KCNMB2: variants seen among roughly 807,000 people sequenced by gnomAD.
KCNMB2 encodes the protein potassium calcium-activated channel subfamily M regulatory beta subunit 2, also known as calcium-activated potassium channel subunit beta-2.
In KCNMB2, 9 loss-of-function variants were observed where a neutral mutation model predicts 24.5. The ratio of observed to expected loss-of-function variants is 0.37; its 90% CI spans 0.22 to 0.64. The LOEUF is 0.64. Ranked by LOEUF, KCNMB2 falls within the 30% of genes least tolerant of loss-of-function variation. The pLI is 0.63. For synonymous variants in KCNMB2, 109 were observed against 104.4 expected (o/e 1.04, Z -0.27); for missense variants, 226 against 284.3 (o/e 0.79, Z 1.47).
At chr3:178,574,878 GC>G (rs1560115212) in intron 1 of KCNMB2, among the ~76,000 whole-genome samples, 2 of 152,088 alleles carry the variant, frequency 1.3e-5, no homozygotes. Context: ...GACCAGCCTG[GC>G]CAACATGCTG....
At chr3:178,732,863 T>C (rs1723197249) in intron 1 of KCNMB2, among the ~76,000 whole-genome samples, 1 of 152,192 alleles carries the variant, frequency 6.6e-6, no homozygotes, top group Non-Finnish European at 1.5e-5. Context: ...AGTGGATTTA[T>C]GGAACGTAAC....
intron 1 of KCNMB2, among the ~76,000 whole-genome samples, chr3:178,575,331 A>G (rs889747725): frequency 1.1e-4 from 17 of 152,178 alleles, no homozygotes; most frequent in African/African-American, 3.1e-4. Context: ...CATCACCACA[A>G]GTAAAATATA....
In KCNMB2 at chr3:178,825,710, T is replaced by C. The variant is rs769635195; in HGVS notation, c.179T>C (p.Met60Thr). 8 of 1,613,838 alleles carry C rather than the reference T, an allele frequency of 5.0e-6. No homozygotes were observed. The Admixed American group carries it at 8.3e-5, about 17-fold the overall frequency. Residue 60 changes from methionine (M) to threonine (T), a missense_variant, in exon 3 of 5, where the codon ATG becomes ACG. Coordinates refer to ENST00000452583, the MANE Select transcript of KCNMB2 (RefSeq NM_181361.3). ...LGLAMMVCSI[M>T]MYFLLGITLL... The stretch of plus-strand genomic sequence containing the variant: ...CTGGCTATGATGGTGTGCTCCATCA[T>C]GATGTATTTTCTGCTGGGAATCACA...
chr3:178,551,557 A>C (rs148769566), intron 1 of KCNMB2, among the ~76,000 whole-genome samples: 1,751 of 152,310 alleles, frequency 0.011, 28 homozygotes, highest in African/African-American at 0.041. Context: ...TTGGAGAAAT[A>C]GTTGTTTATT....
At chr3:178,659,123 T>C (rs942716015) in intron 1 of KCNMB2, among the ~76,000 whole-genome samples, 1 of 152,220 alleles carries the variant, frequency 6.6e-6, no homozygotes, top group African/African-American at 2.4e-5. Context: ...ACATTTCAAA[T>C]AGCAAAGTCA....
At chr3:178,803,183 TCA>T (rs1181188053) in intron 1 of KCNMB2, among the ~76,000 whole-genome samples, 1 of 152,222 alleles carries the variant, frequency 6.6e-6, no homozygotes, top group Middle Eastern at 3.2e-3. Context: ...TTGTCCAAAG[TCA>T]CAGAGTTGGC....
chr3:178,702,737 G>A (rs1722145643), intron 1 of KCNMB2, among the ~76,000 whole-genome samples: 1 of 152,150 alleles, frequency 6.6e-6, no homozygotes, highest in Admixed American at 6.5e-5. Context: ...GATATGAACC[G>A]AGTCTGAGAC....
intron 1 of KCNMB2, among the ~76,000 whole-genome samples, chr3:178,706,336 C>A (rs1262141853): frequency 2.0e-5 from 3 of 152,052 alleles, no homozygotes; most frequent in African/African-American, 7.2e-5. Flanking sequence ...CAGGGAGGAC[C>A]TCCCCACACA....
Position 178,842,633 on chromosome 3 carries a change from G to C in KCNMB2, c.424-20G>C. On this transcript the variant is annotated intron_variant, in intron 4 of 4. Coordinates refer to ENST00000452583, the MANE Select transcript of KCNMB2 (RefSeq NM_181361.3). ...ACACACATAGTATCTTCTAGTAACA[G>C]TTTATCTTATTCTCCACAGTGCTCC... is the stretch of plus-strand genomic sequence containing the variant. 1.3e-6 allele frequency: 2 copies of C among 1,538,548 alleles called. No homozygotes were observed. Among genetic ancestry groups the C allele is most frequent in the Admixed American group, 1.7e-5 (1 of 58,678 alleles).
At chr3:178,786,912 T>A (rs576093838) in intron 1 of KCNMB2, among the ~76,000 whole-genome samples, 1 of 151,656 alleles carries the variant, frequency 6.6e-6, no homozygotes, top group South Asian at 2.1e-4. Context: ...ATAAGTCAAA[T>A]AAGTTGCAGG....
intron 1 of KCNMB2, among the ~76,000 whole-genome samples, chr3:178,693,438 A>G (rs1237308754): frequency 6.6e-6 from 1 of 152,174 alleles, no homozygotes; most frequent in Non-Finnish European, 1.5e-5. Flanking sequence ...TAACGAGTTT[A>G]TTGGGACTTT....
At chr3:178,815,931 T>A (rs1714388121) in intron 2 of KCNMB2, among the ~76,000 whole-genome samples, 2 of 152,108 alleles carry the variant, frequency 1.3e-5, no homozygotes, top group African/African-American at 2.4e-5. Context: ...TATCTTGTTT[T>A]TAAAATTTCA....
intron 1 of KCNMB2, among the ~76,000 whole-genome samples, chr3:178,585,167 G>A (rs1176162764): frequency 6.6e-6 from 1 of 152,124 alleles, no homozygotes; most frequent in Non-Finnish European, 1.5e-5. Context: ...TATTCTCCTG[G>A]CAAATAGCGA....
chr3:178,606,034 T>C (rs533164915), intron 1 of KCNMB2, among the ~76,000 whole-genome samples: 3 of 152,292 alleles, frequency 2.0e-5, no homozygotes, highest in Admixed American at 6.5e-5. Context: ...AAACTGTAGA[T>C]TTAATCAGCC....
rs368926009 is a variant in KCNMB2 at position 178,763,384 on chromosome 3, A to T, written c.-67-43959A>T. ...GTCAGATAAGGACAATAAAGGGAAA[A>T]TGAGGCAAAGGAGTTAGGGGTGACT... On this transcript the variant is annotated intron_variant, in intron 1 of 4. Transcript: ENST00000452583. Among the ~76,000 whole-genome samples, 54 of 152,270 alleles carry T rather than the reference A, an allele frequency of 3.5e-4. 1 individual carries two copies. The South Asian group carries it at 0.011, about 31-fold the overall frequency.
chr3:178,748,151 A>G (rs1167330072), intron 1 of KCNMB2: 1 of 152,196 alleles, frequency 6.6e-6, no homozygotes, highest in Non-Finnish European at 1.5e-5. Context: ...CTAGAGGCCA[A>G]ATTCTGCCTT....
chr3:178,738,166 A>C (rs1046822830), intron 1 of KCNMB2, among the ~76,000 whole-genome samples: 1 of 152,036 alleles, frequency 6.6e-6, no homozygotes, highest in Non-Finnish European at 1.5e-5. Flanking sequence ...CACCACCACC[A>C]CCCAAGACAG....
chr3:178,713,924 A>C (rs1722535696), intron 1 of KCNMB2, among the ~76,000 whole-genome samples: 1 of 152,182 alleles, frequency 6.6e-6, no homozygotes. Context: ...CCTGTGGGAA[A>C]AGCATTTGTG....
chr3:178,837,503 T>C (rs1715277147), intron 4 of KCNMB2, among the ~76,000 whole-genome samples: 1 of 152,224 alleles, frequency 6.6e-6, no homozygotes, highest in Admixed American at 6.5e-5. Context: ...TAAAAGTACA[T>C]GACTGATTGA....
Sources: gnomAD v4.1 joint callset for allele counts (sites outside exome capture counted in the v4.1 genomes callset) on GRCh38, gnomAD v4.1.1 for gene constraint, MANE v1.5 for transcripts, NCBI Gene and HGNC (gene_info 2026-07-23, HGNC 2026-07-21) for gene names.